The following ANKRD44 variants were observed in gnomAD, a reference collection of about 807,000 sequenced individuals.
ANKRD44 encodes the protein serine/threonine-protein phosphatase 6 regulatory ankyrin repeat subunit B.
ANKRD44 carries 35 observed loss-of-function variants against 116.0 expected under a neutral mutation model. The ratio of observed to expected loss-of-function variants is 0.30; its 90% CI spans 0.23 to 0.40. The LOEUF (loss-of-function observed/expected upper bound fraction) is 0.40, where lower values mean the gene tolerates loss of function less well. Among genes scored for constraint, ANKRD44 ranks in the 10% least tolerant of loss-of-function variants. ANKRD44 has a pLI of 1.00. For synonymous variants in ANKRD44, 435 were observed against 461.8 expected (o/e 0.94, Z 0.74); for missense variants, 1,014 against 1,242.6 (o/e 0.82, Z 2.77).
chr2:197,153,205 G>A (rs1300254205), intron 2 of ANKRD44, among the ~76,000 whole-genome samples: 58 of 110,520 alleles, frequency 5.2e-4, no homozygotes, highest in Non-Finnish European at 2.0e-4. Context: ...CTTGCTCTGG[G>A]TGACAGAGCA....
intron 1 of ANKRD44, among the ~76,000 whole-genome samples, chr2:197,241,454 A>G (rs906028898): frequency 6.6e-6 from 1 of 152,172 alleles, no homozygotes; most frequent in African/African-American, 2.4e-5. Flanking sequence ...TTAGGCAAGC[A>G]CTCTGTAGAA....
intron 16 of ANKRD44, among the ~76,000 whole-genome samples, chr2:197,031,172 T>A (rs2076700004): frequency 6.6e-6 from 1 of 152,132 alleles, no homozygotes; most frequent in Non-Finnish European, 1.5e-5. Context: ...TTTCTTTTTT[T>A]TTTTTTATAA....
intron 2 of ANKRD44, among the ~76,000 whole-genome samples, chr2:197,150,894 G>A (rs1454860181): frequency 2.6e-5 from 4 of 152,004 alleles, no homozygotes; most frequent in Non-Finnish European, 5.9e-5. Flanking sequence ...AGACTCCTGA[G>A]GTGAAATAGT....
chr2:197,019,239 A>C (rs1000638752), intron 17 of ANKRD44, among the ~76,000 whole-genome samples: 1 of 152,208 alleles, frequency 6.6e-6, no homozygotes, highest in African/African-American at 2.4e-5. Flanking sequence ...TTGCTCTTCT[A>C]CTACACACAA....
chr2:197,301,926 G>A (rs1263232101), intron 1 of ANKRD44, among the ~76,000 whole-genome samples: 1 of 152,206 alleles, frequency 6.6e-6, no homozygotes, highest in Non-Finnish European at 1.5e-5. Flanking sequence ...ATAAAGAAAG[G>A]CAGACAGGAA....
At chr2:196,976,683 T>C (rs1041035646) in intron 21 of ANKRD44, among the ~76,000 whole-genome samples, 1 of 151,950 alleles carries the variant, frequency 6.6e-6, no homozygotes, top group Non-Finnish European at 1.5e-5. Flanking sequence ...CTGCACAACA[T>C]GACAAAACCC....
At chr2:197,133,370 C>T (rs1052258476) in intron 4 of ANKRD44, among the ~76,000 whole-genome samples, 5 of 152,178 alleles carry the variant, frequency 3.3e-5, no homozygotes, top group African/African-American at 9.7e-5. Flanking sequence ...CAGGGCCTCA[C>T]AGAATCCAAG....
rs1362788159 is a variant in ANKRD44 at position 197,151,177 on chromosome 2, A to G, written c.112-4072T>C. Among the ~76,000 whole-genome samples, 3 of 152,026 alleles carry G rather than the reference A, an allele frequency of 2.0e-5. No individual in the cohort carries two copies. In the South Asian group the frequency reaches 6.2e-4, roughly 31 times the overall value. On this transcript the variant is annotated intron_variant, in intron 2 of 27. Coordinates refer to ENST00000282272, the MANE Select transcript of ANKRD44 (RefSeq NM_001195144.2). ...CCAATGATACCCCTAAGGTCCCTAG[A>G]AGAAGAAACAAAACCTAGCTGGATA...
chr2:197,165,144 T>C (rs2080074587), intron 2 of ANKRD44, among the ~76,000 whole-genome samples: 1 of 152,238 alleles, frequency 6.6e-6, no homozygotes, highest in South Asian at 2.1e-4. Flanking sequence ...ACCCATGTTT[T>C]CACCCTTTCC....
chr2:197,074,629 A>G (rs1157134165), intron 16 of ANKRD44, among the ~76,000 whole-genome samples: 1 of 151,924 alleles, frequency 6.6e-6, no homozygotes, highest in East Asian at 1.9e-4. Flanking sequence ...ACATCACATC[A>G]CCATACCTGG....
intron 12 of ANKRD44, among the ~76,000 whole-genome samples, chr2:197,088,335 C>T (rs1261275862): frequency 1.3e-5 from 2 of 152,226 alleles, no homozygotes; most frequent in African/African-American, 4.8e-5. Flanking sequence ...TTAATTCAAT[C>T]TTTGATTCTC....
chr2:196,990,939 T>G, intron 27 of ANKRD44: 1 of 1,232,032 alleles, frequency 8.1e-7, no homozygotes, highest in Non-Finnish European at 1.0e-6. Flanking sequence ...TGGGCGTAAA[T>G]GCAGACAAGG....
At chr2:197,290,984 G>T (rs1230425396) in intron 1 of ANKRD44, among the ~76,000 whole-genome samples, 1 of 151,934 alleles carries the variant, frequency 6.6e-6, no homozygotes. Flanking sequence ...CAAGGAGGGA[G>T]GATCCCTTGA....
At chr2:197,211,154 G>A (rs1269208767) in intron 1 of ANKRD44, among the ~76,000 whole-genome samples, 1 of 152,180 alleles carries the variant, frequency 6.6e-6, no homozygotes, top group Non-Finnish European at 1.5e-5. Flanking sequence ...GAGATCACAG[G>A]AGTTGCCCTT....
intron 16 of ANKRD44, among the ~76,000 whole-genome samples, chr2:197,059,309 C>CT (rs1183786955): frequency 1.4e-4 from 22 of 152,324 alleles, no homozygotes; most frequent in Non-Finnish European, 1.6e-4. Flanking sequence ...CTTACCTGCT[C>CT]TTTGTCCTCA....
chr2:197,109,426 A>G (rs1347087898), intron 9 of ANKRD44, among the ~76,000 whole-genome samples: 2 of 152,216 alleles, frequency 1.3e-5, no homozygotes, highest in African/African-American at 4.8e-5. Context: ...GCTCACTGGA[A>G]ACTTGTTAGG....
chr2:197,083,558 C>A lies in ANKRD44; in HGVS notation c.1317-49G>T, dbSNP rs779294996. On this transcript the variant is annotated intron_variant, in intron 13 of 27. Transcript: ENST00000282272. ...TACTCCATTCAGTCTAGAAAACAGG[C>A]CTGTTGTTGGCACTAGCACTGGCAG... The A allele has an allele frequency of 3.8e-6, 6 of 1,577,124 alleles. No individual in the cohort carries two copies. In the South Asian group the frequency reaches 7.0e-5, roughly 19 times the overall value.
rs777479199 is a variant in ANKRD44 at position 197,233,881 on chromosome 2, T to C, written c.28-46775A>G. 8.7e-4 allele frequency among the ~76,000 whole-genome samples: 133 copies of C among 152,360 alleles called. 1 individual carries two copies. The highest frequency in any genetic ancestry group is 9.8e-4 in the Non-Finnish European group (67 of 68,046). ...CAAATAGCCAAATAATACCTAAATA[T>C]ATTTTCAATCTATAGGCATAAGGTT... On this transcript the variant is annotated intron_variant, in intron 1 of 27. Coordinates refer to ENST00000282272, the MANE Select transcript of ANKRD44 (RefSeq NM_001195144.2).
In ANKRD44 at chr2:196,989,371, G is replaced by T; in HGVS notation, c.*220C>A. The T allele has an allele frequency of 1.8e-6, 2 of 1,096,630 alleles. No homozygotes were observed. The highest frequency in any genetic ancestry group is 5.2e-5 in the East Asian group (1 of 19,080). The allele number at this position is 1,096,630 out of a possible 1,614,324, so 67.9% of individuals were successfully genotyped here. ...CCTAAGAAATATAAAATACAACAAA[G>T]ACTGGTACACAGAAAGATTACATTT... On this transcript the variant is annotated 3_prime_UTR_variant, in exon 28 of 28. Coordinates refer to ENST00000282272, the MANE Select transcript of ANKRD44 (RefSeq NM_001195144.2).
Sources: gnomAD v4.1 joint callset for allele counts (sites outside exome capture counted in the v4.1 genomes callset) on GRCh38, gnomAD v4.1.1 for gene constraint, MANE v1.5 for transcripts, NCBI Gene and HGNC (gene_info 2026-07-23, HGNC 2026-07-21) for gene names.